CCDC33: variants seen among roughly 807,000 people sequenced by gnomAD.
CCDC33 encodes the protein coiled-coil domain containing 33, also known as coiled-coil domain-containing protein 33.
CCDC33 carries 94 observed loss-of-function variants against 91.9 expected under a neutral mutation model. The ratio of observed to expected loss-of-function variants is 1.02; its 90% confidence interval spans 0.87 to 1.21. CCDC33 has a LOEUF of 1.21. Among genes scored for constraint, CCDC33 ranks in the 50% most tolerant of loss-of-function variants. The pLI is 0.00. For missense variants in CCDC33, 940 were observed against 935.5 expected (o/e 1.00, Z -0.06); for synonymous variants, 396 against 374.5 (o/e 1.06, Z -0.66).
At chr15:74,334,708 A>G (rs945168178) in intron 17 of CCDC33, among the ~76,000 whole-genome samples, 7 of 148,958 alleles carry the variant, frequency 4.7e-5, no homozygotes, top group African/African-American at 1.6e-4. Context: ...GGCTCTGTCT[A>G]TGACCAGAAT....
chr15:74,307,793 C>T (rs1179625730), intron 11 of CCDC33, among the ~76,000 whole-genome samples: 1 of 152,074 alleles, frequency 6.6e-6, no homozygotes, highest in East Asian at 1.9e-4. Context: ...TGTTCCATTC[C>T]TCTACCTCAA....
At chr15:74,216,955 A>T (rs771497876), upstream of CCDC33, among the ~76,000 whole-genome samples, 7 of 152,184 alleles carry the variant, frequency 4.6e-5, no homozygotes, top group Non-Finnish European at 7.3e-5. Flanking sequence ...CCCCACTAGA[A>T]GATAAGCTTC....
At position 74,316,213 on chromosome 15, in the gene CCDC33, C is replaced by T. The variant is rs999293993; in HGVS notation, c.1291-13976C>T. Among the ~76,000 whole-genome samples the T allele has an allele frequency of 6.6e-6, 1 of 152,156 alleles. No homozygotes were observed. Among genetic ancestry groups the T allele is most frequent in the East Asian group, 1.9e-4 (1 of 5,186 alleles). ...GGGGCAGGCTCAAGTCCCTCAAGGG[C>T]GCGGCTTCCCTCCCTCTCAGCAGCC... On this transcript the variant is annotated intron_variant, in intron 11 of 18. Coordinates refer to ENST00000398814, the MANE Select transcript of CCDC33 (RefSeq NM_025055.5). The surrounding 1 kb of genome is among the most constrained non-coding windows in gnomAD (Gnocchi z 4.7).
intron 7 of CCDC33, among the ~76,000 whole-genome samples, chr15:74,273,832 T>TTTTC (rs1317810975): frequency 6.8e-6 from 1 of 146,956 alleles, no homozygotes; most frequent in Non-Finnish European, 1.5e-5. Context: ...AGTCTTGAAT[T>TTTTC]TTTTTTTTTT....
intron 3 of CCDC33, among the ~76,000 whole-genome samples, chr15:74,264,698 G>A (rs1222469424): frequency 6.6e-6 from 1 of 152,172 alleles, no homozygotes; most frequent in Non-Finnish European, 1.5e-5. Flanking sequence ...TGTGTTTGGA[G>A]AGCTGCAGAT....
At chr15:74,255,288 G>T (rs1418227645) in intron 2 of CCDC33, among the ~76,000 whole-genome samples, 1 of 152,238 alleles carries the variant, frequency 6.6e-6, no homozygotes, top group South Asian at 2.1e-4. Flanking sequence ...GATGCTTAGG[G>T]GATGTGCCAC....
In CCDC33 at chr15:74,281,795, T is replaced by A. The variant is rs1364010437; in HGVS notation, c.1041T>A (p.Thr347=). The A allele has an allele frequency of 1.2e-6, 2 of 1,613,854 alleles. No homozygotes were observed. Among genetic ancestry groups the A allele is most frequent in the Non-Finnish European group, 1.7e-6 (2 of 1,179,930 alleles). ...RLPIMDTSLK[T]INDEAPTVAL... ...CTCCCCAGGACACCAGCCTGAAAAC[T>A]ATCAATGATGAGGCCCCCACAGTGG... Residue 347 remains threonine (T), a synonymous_variant, in exon 10 of 19, where the codon ACT becomes ACA. Transcript: ENST00000398814.
intron 2 of CCDC33, among the ~76,000 whole-genome samples, chr15:74,227,398 GA>G (rs773625917): frequency 2.6e-5 from 4 of 152,236 alleles, no homozygotes; most frequent in African/African-American, 9.6e-5. Flanking sequence ...CTGGGCACGT[GA>G]AAGGATCACG....
chr15:74,204,215 C>T (rs1329795306), intron 1 of CCDC33, among the ~76,000 whole-genome samples: 1 of 152,210 alleles, frequency 6.6e-6, no homozygotes, highest in East Asian at 1.9e-4. Flanking sequence ...CCCAGGGATG[C>T]GGGAAACTTG....
chr15:74,268,981 A>G (rs896568725), intron 5 of CCDC33, among the ~76,000 whole-genome samples: 2 of 152,204 alleles, frequency 1.3e-5, no homozygotes, highest in African/African-American at 2.4e-5. Flanking sequence ...TAGTTTATTC[A>G]TTCATTTATT....
At chr15:74,234,079 C>T (rs183714740), upstream of CCDC33, among the ~76,000 whole-genome samples, 2 of 152,184 alleles carry the variant, frequency 1.3e-5, no homozygotes, top group Admixed American at 1.3e-4. Flanking sequence ...TGACTATGAG[C>T]CACATCTGTC....
At chr15:74,230,871 C>G (rs1232490601) in intron 2 of CCDC33, among the ~76,000 whole-genome samples, 2 of 152,232 alleles carry the variant, frequency 1.3e-5, no homozygotes, top group African/African-American at 4.8e-5. Flanking sequence ...CCCAAACCCT[C>G]ACTCCGGTGC....
At chr15:74,240,120 C>T (rs1273018931) in intron 1 of CCDC33, among the ~76,000 whole-genome samples, 1 of 152,282 alleles carries the variant, frequency 6.6e-6, no homozygotes, top group Non-Finnish European at 1.5e-5. Context: ...GGGCACATGC[C>T]TGCAAGCCTC....
chr15:74,205,242 G>A (rs960701206), intron 1 of CCDC33, among the ~76,000 whole-genome samples: 2 of 152,158 alleles, frequency 1.3e-5, no homozygotes, highest in African/African-American at 4.8e-5. Context: ...CATCTGTTTC[G>A]CATTGCTGTG....
chr15:74,210,804 G>A (rs964353989), intron 2 of CCDC33, among the ~76,000 whole-genome samples: 41 of 152,174 alleles, frequency 2.7e-4, no homozygotes, highest in African/African-American at 9.4e-4. Context: ...TGGAAAAAGA[G>A]TGTTGAGCAC....
upstream of CCDC33, among the ~76,000 whole-genome samples, chr15:74,215,185 C>T (rs1294631199): frequency 6.6e-6 from 1 of 152,108 alleles, no homozygotes; most frequent in African/African-American, 2.4e-5. Context: ...GGAAATCACA[C>T]CAGCAAGGGT....
chr15:74,335,999 G>A lies in CCDC33; in HGVS notation c.2214G>A (p.Lys738=). 1.9e-6 allele frequency: 3 copies of A among 1,613,988 alleles called. No homozygotes were observed. Among genetic ancestry groups the A allele is most frequent in the Non-Finnish European group, 2.5e-6 (3 of 1,180,024 alleles). The stretch of plus-strand genomic sequence containing the variant: ...CCCTGCTGCCCAGCTCAGACTCTAA[G>A]CTCAACAAGCCCTTGAGCCCCCAGA... ...LEPLLPSSDS[K]LNKPLSPQKE... The change falls in exon 19 of 19, where the codon AAG becomes AAA. Residue 738 remains lysine (K), a synonymous_variant. Transcript: ENST00000398814.
In CCDC33 at chr15:74,256,860, C is replaced by A. The variant is rs767652269; in HGVS notation, c.186-5580C>A. On this transcript the variant is annotated intron_variant, in intron 2 of 18. Coordinates refer to ENST00000398814, the MANE Select transcript of CCDC33 (RefSeq NM_025055.5). ...TGGGCTGTGGCTTTCTCCTTGTCCG[C>A]CATGGGTGGAAAGGAGGGGTACCCA... 5.9e-4 allele frequency among the ~76,000 whole-genome samples: 90 copies of A among 152,336 alleles called. 1 individual carries two copies. The highest frequency in any genetic ancestry group is 1.2e-4 in the Non-Finnish European group (8 of 68,034).
chr15:74,335,436 G>T, intron 18 of CCDC33: 1 of 538,856 alleles, frequency 1.9e-6, no homozygotes, highest in Non-Finnish European at 3.3e-6. Context: ...AGAGTAGCTT[G>T]TGGCCCTACC....
Sources: gnomAD v4.1 joint callset for allele counts (sites outside exome capture counted in the v4.1 genomes callset) on GRCh38, gnomAD v4.1.1 for gene constraint, Gnocchi (gnomAD v3.1) non-coding constraint, MANE v1.5 for transcripts, NCBI Gene and HGNC (gene_info 2026-07-23, HGNC 2026-07-21) for gene names.